LRMDA: variants seen among roughly 807,000 people sequenced by gnomAD.
LRMDA encodes the protein leucine-rich melanocyte differentiation-associated protein.
In LRMDA, 18 loss-of-function variants were observed where a neutral mutation model predicts 29.8. The ratio of observed to expected loss-of-function variants is 0.60; its 90% CI spans 0.42 to 0.90. The LOEUF (loss-of-function observed/expected upper bound fraction) is 0.90. LRMDA is among the 40% of genes least tolerant of loss of function. LRMDA has a pLI of 0.00. For missense variants in LRMDA, 273 were observed against 273.9 expected, an observed-to-expected ratio of 1.00 and a Z score of 0.02; for synonymous variants, 125 against 109.4, an observed-to-expected ratio of 1.14 and a Z score of -0.89.
chr10:76,237,560 G>A (rs1290033258), intron 5 of LRMDA, among the ~76,000 whole-genome samples: 1 of 152,112 alleles, frequency 6.6e-6, no homozygotes, highest in African/African-American at 2.4e-5. Context: ...GGCTTTTGCT[G>A]ACATGCTCTT....
rs67966004 is a variant in LRMDA, at chr10:75,590,726, C to CTTTTTTTTTTTT, written c.131+152263_131+152274dup. ...CTCCTAACTCTCACAATAAAATAGT[C>CTTTTTTTTTTTT]TTTTTTTTTTTTTTTTTTTTTTTTT... On this transcript the variant is annotated intron_variant, in intron 2 of 6. Transcript: ENST00000611255. 2.7e-4 allele frequency among the ~76,000 whole-genome samples: 19 copies of CTTTTTTTTTTTT among 71,384 alleles called. 1 individual carries two copies. The highest frequency in any genetic ancestry group is 3.8e-4 in the Non-Finnish European group (15 of 39,848). The allele number at this position is 71,384 out of a possible 152,430, so 46.8% of individuals were successfully genotyped here.
chr10:76,310,374 C>T (rs1177365797), intron 5 of LRMDA, among the ~76,000 whole-genome samples: 1 of 152,114 alleles, frequency 6.6e-6, no homozygotes, highest in African/African-American at 2.4e-5. Flanking sequence ...CAGCCTTTAC[C>T]TTCCCAATTT....
At chr10:76,488,810 G>A (rs147541965) in intron 6 of LRMDA, among the ~76,000 whole-genome samples, 1 of 152,022 alleles carries the variant, frequency 6.6e-6, no homozygotes, top group East Asian at 1.9e-4. Flanking sequence ...GTTTGTGTAT[G>A]TTGAACCATC....
At chr10:75,972,406 T>A (rs73281439) in intron 2 of LRMDA, among the ~76,000 whole-genome samples, 1 of 152,108 alleles carries the variant, frequency 6.6e-6, no homozygotes, top group Admixed American at 6.5e-5. Context: ...TCCTATCCTA[T>A]TCATATAAAA....
chr10:76,395,745 G>A (rs1388803336), intron 6 of LRMDA, among the ~76,000 whole-genome samples: 1 of 152,192 alleles, frequency 6.6e-6, no homozygotes, highest in Non-Finnish European at 1.5e-5. Context: ...TCTAAATCTA[G>A]GGTAGTACCT....
intron 6 of LRMDA, among the ~76,000 whole-genome samples, chr10:76,520,817 T>G (rs1217282546): frequency 6.6e-6 from 1 of 152,182 alleles, no homozygotes; most frequent in African/African-American, 2.4e-5. Context: ...TTCTTTCTGT[T>G]TATTAAAATT....
At chr10:76,327,759 A>G (rs954322228) in intron 6 of LRMDA, among the ~76,000 whole-genome samples, 1 of 152,152 alleles carries the variant, frequency 6.6e-6, no homozygotes, top group Non-Finnish European at 1.5e-5. Context: ...TGAACACACT[A>G]AAGGGAAAGG....
At chr10:76,449,273 C>T (rs1842383020) in intron 6 of LRMDA, among the ~76,000 whole-genome samples, 1 of 151,580 alleles carries the variant, frequency 6.6e-6, no homozygotes, top group Admixed American at 6.6e-5. Context: ...TTTTTCAGCT[C>T]TTCACTTCTG....
At position 75,515,988 on chromosome 10, in the gene LRMDA, A is replaced by G. The variant is rs182065650; in HGVS notation, c.131+77494A>G. Among the ~76,000 whole-genome samples the G allele has an allele frequency of 6.1e-3, 927 of 152,270 alleles. 17 individuals carry two copies. Among genetic ancestry groups the G allele is most frequent in the African/African-American group, 0.021 (880 of 41,534 alleles). On this transcript the variant is annotated intron_variant, in intron 2 of 6. Transcript: ENST00000611255. ...TCTGTCCCTGTGATAGTTTGCTGAG[A>G]ATGATGGTTTCCAGCTTCATCCATG... is the stretch of plus-strand genomic sequence containing the variant.
chr10:75,695,811 A>G (rs772424404), intron 2 of LRMDA, among the ~76,000 whole-genome samples: 11 of 152,098 alleles, frequency 7.2e-5, no homozygotes, highest in Non-Finnish European at 1.5e-4. Context: ...GTTATTCTTT[A>G]TAAACTGAAA....
intron 2 of LRMDA, among the ~76,000 whole-genome samples, chr10:75,943,184 C>T (rs1846424096): frequency 6.7e-6 from 1 of 148,994 alleles, no homozygotes; most frequent in Admixed American, 6.7e-5. Context: ...AAAAAAAGGA[C>T]TATGAGATAG....
intron 2 of LRMDA, among the ~76,000 whole-genome samples, chr10:75,889,215 G>A (rs1020429273): frequency 2.0e-5 from 3 of 152,180 alleles, no homozygotes; most frequent in Non-Finnish European, 4.4e-5. Flanking sequence ...AATATGAAAT[G>A]TTAGCAAGTG....
intron 6 of LRMDA, among the ~76,000 whole-genome samples, chr10:76,536,796 T>C (rs960610784): frequency 2.0e-5 from 3 of 152,196 alleles, no homozygotes; most frequent in African/African-American, 4.8e-5. Flanking sequence ...CTAAAGGCTA[T>C]GTTCCCCTTT....
At chr10:76,110,281 C>G (rs1849556091) in intron 5 of LRMDA, among the ~76,000 whole-genome samples, 1 of 152,214 alleles carries the variant, frequency 6.6e-6, no homozygotes, top group Non-Finnish European at 1.5e-5. Context: ...GCCATCCACT[C>G]TTGTTCTTTA....
intron 4 of LRMDA, 150 bp downstream of exon 4, chr10:76,047,453 T>C (rs1460624759): frequency 1.3e-6 from 1 of 782,690 alleles, no homozygotes; most frequent in Non-Finnish European, 1.9e-6. Context: ...TGGTAACCTA[T>C]AGCCATTGTC....
chr10:76,061,961 T>C (rs1848707588), intron 5 of LRMDA, among the ~76,000 whole-genome samples: 1 of 152,188 alleles, frequency 6.6e-6, no homozygotes, highest in Non-Finnish European at 1.5e-5. Context: ...TTAAAAAGGC[T>C]GGTTCTCACC....
chr10:76,025,634 C>G (rs1334065726), intron 2 of LRMDA, among the ~76,000 whole-genome samples: 1 of 152,084 alleles, frequency 6.6e-6, no homozygotes, highest in Non-Finnish European at 1.5e-5. Flanking sequence ...TTTTTGGTAG[C>G]AAATCAGCTT....
chr10:76,535,167 A>G (rs185661258), intron 6 of LRMDA, among the ~76,000 whole-genome samples: 1 of 152,348 alleles, frequency 6.6e-6, no homozygotes, highest in Non-Finnish European at 1.5e-5. Flanking sequence ...GCATGAGTCC[A>G]TGACCAGAAA....
intron 2 of LRMDA, among the ~76,000 whole-genome samples, chr10:75,700,224 T>G (rs542717976): frequency 6.6e-6 from 1 of 151,572 alleles, no homozygotes; most frequent in East Asian, 1.9e-4. Flanking sequence ...AGTCAAGTTT[T>G]AAACTGAAAT....
Sources: allele counts gnomAD v4.1 joint callset (sites outside exome capture counted in the v4.1 genomes callset), GRCh38; gene constraint gnomAD v4.1.1; transcripts MANE v1.5; gene names NCBI Gene and HGNC (gene_info 2026-07-23, HGNC 2026-07-21).